Variants in SNTG1 observed in about 807,000 individuals in gnomAD.
The protein encoded by SNTG1 is gamma-1-syntrophin.
Under a neutral mutation model 74.7 loss-of-function variants are expected in SNTG1, and 39 were observed. That is an observed-to-expected ratio of 0.52 (90% CI 0.40 to 0.68). SNTG1 has a LOEUF of 0.68. SNTG1 is among the 30% of genes least tolerant of loss of function. The pLI, the probability that SNTG1 is intolerant of heterozygous loss-of-function variation, is 0.00. For synonymous variants in SNTG1, 254 were observed against 217.1 expected (o/e 1.17, Z -1.49); for missense variants, 685 against 609.5 (o/e 1.12, Z -1.30).
At chr8:50,331,043 T>C (rs2090944606) in intron 2 of SNTG1, among the ~76,000 whole-genome samples, 1 of 152,222 alleles carries the variant, frequency 6.6e-6, no homozygotes, top group African/African-American at 2.4e-5. Flanking sequence ...TTCTAGCTAT[T>C]TTCCAAAATG....
chr8:50,385,877 G>A (rs2092566837), intron 2 of SNTG1, among the ~76,000 whole-genome samples: 1 of 152,192 alleles, frequency 6.6e-6, no homozygotes, highest in African/African-American at 2.4e-5. Flanking sequence ...TCCATTGTCA[G>A]TCTCCAAAAT....
At chr8:50,288,546 C>G (rs1008459101) in intron 2 of SNTG1, among the ~76,000 whole-genome samples, 5 of 152,136 alleles carry the variant, frequency 3.3e-5, no homozygotes, top group African/African-American at 1.2e-4. Flanking sequence ...ACCCAGCACT[C>G]TACTCTTGCC....
chr8:50,595,907 G>A (rs961148901), intron 13 of SNTG1, among the ~76,000 whole-genome samples: 1 of 151,812 alleles, frequency 6.6e-6, no homozygotes, highest in African/African-American at 2.4e-5. Flanking sequence ...TTAAGTTTTA[G>A]TGTATTACAG....
At chr8:50,737,783 A>G (rs984201271) in intron 17 of SNTG1, among the ~76,000 whole-genome samples, 2 of 152,148 alleles carry the variant, frequency 1.3e-5, no homozygotes, top group African/African-American at 2.4e-5. Context: ...GTAATCCATC[A>G]TATAAACAGA....
intron 1 of SNTG1, among the ~76,000 whole-genome samples, chr8:50,102,783 G>A (rs1586279377): frequency 6.6e-6 from 1 of 150,750 alleles, no homozygotes; most frequent in African/African-American, 2.5e-5. Flanking sequence ...CATATGGCTA[G>A]CCAGTTTTCC....
intron 2 of SNTG1, among the ~76,000 whole-genome samples, chr8:50,294,946 C>T (rs2130600957): frequency 6.6e-6 from 1 of 152,228 alleles, no homozygotes; most frequent in South Asian, 2.1e-4. Context: ...TAAAAAAACT[C>T]CATCCAACAC....
intron 12 of SNTG1, among the ~76,000 whole-genome samples, chr8:50,586,878 T>A (rs571227962): frequency 3.3e-5 from 5 of 152,026 alleles, no homozygotes; most frequent in Non-Finnish European, 7.4e-5. Context: ...ACTAATTTTA[T>A]TTTCTAATGA....
chr8:50,407,501 T>A (rs1418908742), intron 4 of SNTG1, among the ~76,000 whole-genome samples: 1 of 152,126 alleles, frequency 6.6e-6, no homozygotes, highest in Non-Finnish European at 1.5e-5. Context: ...AATGTTGTAG[T>A]TTTTTCTCCA....
chr8:50,129,201 G>C (rs1369206191), intron 1 of SNTG1, among the ~76,000 whole-genome samples: 1 of 152,054 alleles, frequency 6.6e-6, no homozygotes, highest in African/African-American at 2.4e-5. Context: ...TATATTAAAG[G>C]TCTTTTGTAT....
chr8:50,152,541 G>A (rs1381443981), intron 1 of SNTG1, among the ~76,000 whole-genome samples: 2 of 152,144 alleles, frequency 1.3e-5, no homozygotes, highest in Non-Finnish European at 2.9e-5. Flanking sequence ...GCAGTGGCTG[G>A]TACCGGTTGT....
intron 1 of SNTG1, among the ~76,000 whole-genome samples, chr8:50,084,542 A>G (rs534250121): frequency 2.6e-5 from 4 of 152,346 alleles, no homozygotes; most frequent in South Asian, 4.1e-4. Flanking sequence ...ATGACCTCAG[A>G]TAAGTCATTT....
intron 4 of SNTG1, among the ~76,000 whole-genome samples, chr8:50,409,653 C>T (rs1201912065): frequency 6.6e-6 from 1 of 152,158 alleles, no homozygotes; most frequent in Non-Finnish European, 1.5e-5. Flanking sequence ...TGTCATCCTT[C>T]TGAATGGTTT....
intron 1 of SNTG1, among the ~76,000 whole-genome samples, chr8:50,056,792 A>C (rs1268697011): frequency 6.6e-6 from 1 of 152,194 alleles, no homozygotes; most frequent in African/African-American, 2.4e-5. Context: ...AGATGAGTGA[A>C]TAGGCCCCAT....
intron 2 of SNTG1, among the ~76,000 whole-genome samples, chr8:50,331,575 A>G (rs1013363806): frequency 1.3e-5 from 2 of 152,196 alleles, no homozygotes; most frequent in African/African-American, 4.8e-5. Flanking sequence ...CCGAGAAGCC[A>G]TTGGCAATAT....
chr8:49,969,387 CTTTTTTTTTTTTTTTT>C (rs575026898), intron 1 of SNTG1, among the ~76,000 whole-genome samples: 1 of 47,198 alleles, frequency 2.1e-5, no homozygotes, highest in Non-Finnish European at 5.1e-5. Flanking sequence ...TTCATTTAAT[CTTTTTTTTTTTTTTTT>C]TTTTTTTTTT....
intron 2 of SNTG1, among the ~76,000 whole-genome samples, chr8:50,232,963 A>T (rs1343388020): frequency 2.6e-5 from 4 of 151,580 alleles, no homozygotes; most frequent in Admixed American, 6.6e-5. Context: ...GGATTATAAC[A>T]CTCAAAATAG....
At chr8:50,165,395 A>C (rs1391624463) in intron 1 of SNTG1, among the ~76,000 whole-genome samples, 3 of 152,222 alleles carry the variant, frequency 2.0e-5, no homozygotes, top group Non-Finnish European at 4.4e-5. Flanking sequence ...TGATTTATTC[A>C]AGCAAGAATC....
intron 1 of SNTG1, among the ~76,000 whole-genome samples, chr8:49,956,016 C>T (rs536387518): frequency 1.1e-4 from 16 of 152,230 alleles, no homozygotes; most frequent in African/African-American, 3.1e-4. Context: ...TGCCAGAATA[C>T]GTTTCTCTCC....
chr8:50,587,785 G>A (rs1262898483), intron 12 of SNTG1, among the ~76,000 whole-genome samples: 2 of 148,384 alleles, frequency 1.3e-5, no homozygotes, highest in African/African-American at 5.0e-5. Context: ...GGACGAGAGT[G>A]AGACTTCGTC....
Sources: allele counts gnomAD v4.1 joint callset (sites outside exome capture counted in the v4.1 genomes callset), GRCh38; gene constraint gnomAD v4.1.1; transcripts MANE v1.5; gene names NCBI Gene and HGNC (gene_info 2026-07-23, HGNC 2026-07-21).